KIF13A: variants seen among roughly 807,000 people sequenced by gnomAD.
The protein encoded by KIF13A is kinesin family member 13A, also known as kinesin-like protein KIF13A.
A neutral mutation model predicts 212.2 loss-of-function variants in KIF13A; 79 were observed. The ratio of observed to expected loss-of-function variants is 0.37; its 90% CI spans 0.31 to 0.45. KIF13A has a LOEUF of 0.45. KIF13A is among the 20% of genes least tolerant of loss of function. KIF13A has a pLI of 1.00. For missense variants in KIF13A, 1,901 were observed against 2,209.0 expected, an observed-to-expected ratio of 0.86 and a Z score of 2.79; for synonymous variants, 789 against 808.6, an observed-to-expected ratio of 0.98 and a Z score of 0.41.
intron 20 of KIF13A, among the ~76,000 whole-genome samples, chr6:17,803,923 C>G (rs935073328): frequency 6.6e-6 from 1 of 152,162 alleles, no homozygotes. Context: ...GAAGCCGAGG[C>G]GGGCGGATCA....
In KIF13A at chr6:17,909,404, C is replaced by T. The variant is rs138106934; in HGVS notation, c.147-11224G>A. 3.8e-3 allele frequency among the ~76,000 whole-genome samples: 575 copies of T among 150,492 alleles called. 2 individuals carry two copies. The highest frequency in any genetic ancestry group is 0.012 in the African/African-American group (493 of 40,914). On this transcript the variant is annotated intron_variant, in intron 2 of 38. Coordinates refer to ENST00000259711, the MANE Select transcript of KIF13A (RefSeq NM_022113.6). ...TACAAAAATTAGCCGGGTGTGGTGG[C>T]GCGTGCCTGTAGATCCAGCTACTTG... is the stretch of plus-strand genomic sequence containing the variant.
intron 2 of KIF13A, among the ~76,000 whole-genome samples, chr6:17,975,336 C>CAT (rs1780261699): frequency 8.2e-6 from 1 of 121,746 alleles, no homozygotes; most frequent in Non-Finnish European, 2.0e-5. Flanking sequence ...TTCTTGGTCT[C>CAT]ACTAACTTCA....
intron 2 of KIF13A, among the ~76,000 whole-genome samples, chr6:17,969,097 T>C (rs1303088133): frequency 6.6e-6 from 1 of 152,354 alleles, no homozygotes; most frequent in African/African-American, 2.4e-5. Context: ...AGGCACTTAC[T>C]ATGTACAAGG....
chr6:17,950,075 AAAC>A (rs1469406290), intron 2 of KIF13A, among the ~76,000 whole-genome samples: 2 of 152,168 alleles, frequency 1.3e-5, no homozygotes, highest in Non-Finnish European at 2.9e-5. Context: ...TTGAAAACAA[AAAC>A]TACTGACCCA....
chr6:17,956,472 G>A (rs144840676), intron 2 of KIF13A, among the ~76,000 whole-genome samples: 11 of 152,270 alleles, frequency 7.2e-5, no homozygotes, highest in African/African-American at 2.6e-4. Context: ...CAACCAAGAT[G>A]GAAACAAACC....
Position 17,785,823 on chromosome 6 carries a change from G to A in KIF13A, c.3362-182C>T, listed in dbSNP as rs1761013579. Among the ~76,000 whole-genome samples the A allele has an allele frequency of 6.6e-6, 1 of 151,996 alleles. No individual in the cohort carries two copies. Among genetic ancestry groups the A allele is most frequent in the African/African-American group, 2.4e-5 (1 of 41,386 alleles). Reference sequence around the variant, plus strand: ...TCCCAGATACTCAGGCAGCTGAGGTGGGAAGATCACTTGAGCCTGGGAGTT... The same window carrying A: ...TCCCAGATACTCAGGCAGCTGAGGTAGGAAGATCACTTGAGCCTGGGAGTT... On this transcript the variant is annotated intron_variant, in intron 27 of 38. Coordinates refer to ENST00000259711, the MANE Select transcript of KIF13A (RefSeq NM_022113.6). The surrounding 1 kb of genome is among the most constrained non-coding windows in gnomAD (Gnocchi z 5.8).
intron 4 of KIF13A, among the ~76,000 whole-genome samples, chr6:17,866,534 A>C (rs551341558): frequency 9.2e-5 from 14 of 152,112 alleles, no homozygotes; most frequent in Admixed American, 3.3e-4. Context: ...GCTAAACCTC[A>C]GTTTTCTTAT....
chr6:17,857,249 G>A (rs1281654285), intron 4 of KIF13A, among the ~76,000 whole-genome samples: 1 of 152,164 alleles, frequency 6.6e-6, no homozygotes, highest in African/African-American at 2.4e-5. Context: ...TAGTATTTGT[G>A]ATATGGTTTA....
At chr6:17,819,640 G>A (rs1358603606) in intron 16 of KIF13A, among the ~76,000 whole-genome samples, 1 of 152,052 alleles carries the variant, frequency 6.6e-6, no homozygotes, top group Non-Finnish European at 1.5e-5. Flanking sequence ...TGCAAACATA[G>A]ATCCTGGGTG....
At chr6:17,791,930 G>A (rs533634517) in intron 25 of KIF13A, among the ~76,000 whole-genome samples, 6 of 147,934 alleles carry the variant, frequency 4.1e-5, no homozygotes, top group South Asian at 2.2e-4. Context: ...AGTACTGAGC[G>A]CAGTGGCTCA....
chr6:17,959,502 C>T (rs1778636468), intron 2 of KIF13A, among the ~76,000 whole-genome samples: 1 of 152,142 alleles, frequency 6.6e-6, no homozygotes, highest in Admixed American at 6.5e-5. Context: ...TGGAAAGCAG[C>T]AGAGGAAAGA....
chr6:17,969,393 A>G (rs1037550630), intron 2 of KIF13A, among the ~76,000 whole-genome samples: 2 of 152,200 alleles, frequency 1.3e-5, no homozygotes, highest in African/African-American at 4.8e-5. Context: ...TGTTTGTTGT[A>G]CTACTTAATT....
At position 17,900,827 on chromosome 6, in the gene KIF13A, C is replaced by T. The variant is rs985190388; in HGVS notation, c.147-2647G>A. On this transcript the variant is annotated intron_variant, in intron 2 of 38. Coordinates refer to ENST00000259711, the MANE Select transcript of KIF13A (RefSeq NM_022113.6). The surrounding 1 kb of genome is among the most constrained non-coding windows in gnomAD (Gnocchi z 4.6). ...GGCACAGTGGCTCACACCTGTAATCCCAGCACTTTGGGAGGCTGAGGCAGG... is the reference window on the plus strand; with the variant it reads ...GGCACAGTGGCTCACACCTGTAATCTCAGCACTTTGGGAGGCTGAGGCAGG... Among the ~76,000 whole-genome samples, 1 of 152,114 alleles carries T rather than the reference C, an allele frequency of 6.6e-6. No individual in the cohort carries two copies. Among genetic ancestry groups the T allele is most frequent in the Non-Finnish European group, 1.5e-5 (1 of 68,038 alleles).
intron 22 of KIF13A, among the ~76,000 whole-genome samples, chr6:17,798,068 T>G (rs567774991): frequency 1.3e-5 from 2 of 152,216 alleles, no homozygotes; most frequent in Non-Finnish European, 2.9e-5. Context: ...TGACTCTAAT[T>G]TGCAGAAACA....
rs1001641752 is a variant in KIF13A at position 17,785,076 on chromosome 6, T to C, written c.3488+439A>G. 3.3e-5 allele frequency among the ~76,000 whole-genome samples: 5 copies of C among 152,162 alleles called. No individual in the cohort carries two copies. The highest frequency in any genetic ancestry group is 3.3e-4 in the Admixed American group (5 of 15,248). On this transcript the variant is annotated intron_variant, in intron 28 of 38. Transcript: ENST00000259711. The surrounding 1 kb of genome is among the most constrained non-coding windows in gnomAD (Gnocchi z 5.8). Reference sequence around the variant, plus strand: ...ATTTAATGAATGGGTATGAAAGGTGTTTTATACACATTACAATATACAAGA... The same window carrying C: ...ATTTAATGAATGGGTATGAAAGGTGCTTTATACACATTACAATATACAAGA...
Position 17,972,292 on chromosome 6 carries a change from T to C in KIF13A, c.146+14762A>G, listed in dbSNP as rs186732562. Among the ~76,000 whole-genome samples the C allele has an allele frequency of 9.3e-4, 142 of 152,358 alleles. 2 individuals are homozygous for C. Among genetic ancestry groups the C allele is most frequent in the African/African-American group, 3.2e-3 (135 of 41,584 alleles). On this transcript the variant is annotated intron_variant, in intron 2 of 38. Transcript: ENST00000259711. ...AATGTCATAATGTAACCATTCCCTG[T>C]TACAATTTGCATAGTGAATACTAAA...
In KIF13A at chr6:17,987,166, C is replaced by T. The variant is rs759046673; in HGVS notation, c.56-22G>A. On this transcript the variant is annotated intron_variant, in intron 1 of 38. Transcript: ENST00000259711. The surrounding 1 kb of genome is among the most constrained non-coding windows in gnomAD (Gnocchi z 7.7). ...AGTTCTGAAAGCAGAGAGAAAGGGA[C>T]GTTGCAAAGTCCAGCATCCGCGCCT... The T allele has an allele frequency of 3.8e-6, 6 of 1,586,028 alleles. No individual in the cohort carries two copies. The highest frequency in any genetic ancestry group is 3.3e-5 in the South Asian group (3 of 89,782).
rs1339756190 is a variant in KIF13A at position 17,811,633 on chromosome 6, CATT to C, written c.2001-2706_2001-2704del. On this transcript the variant is annotated intron_variant, in intron 17 of 38. Coordinates refer to ENST00000259711, the MANE Select transcript of KIF13A (RefSeq NM_022113.6). This position sits in a 1 kb window ranked among gnomAD's most constrained non-coding sequence, Gnocchi z 6.0. ...AACATTCATGTAGGTAAGAGTCCTT[CATT>C]ATTTCACAACCCATCAACAATTTAC... Among the ~76,000 whole-genome samples, 1 of 152,198 alleles carries C rather than the reference CATT, an allele frequency of 6.6e-6. No individual in the cohort carries two copies. Among genetic ancestry groups the C allele is most frequent in the African/African-American group, 2.4e-5 (1 of 41,436 alleles).
intron 22 of KIF13A, among the ~76,000 whole-genome samples, chr6:17,798,564 G>C (rs1218187536): frequency 1.3e-5 from 2 of 152,144 alleles, no homozygotes; most frequent in South Asian, 2.1e-4. Context: ...GAACCAGAAA[G>C]AATAAGCATG....
Sources: gnomAD v4.1 joint callset for allele counts (sites outside exome capture counted in the v4.1 genomes callset) on GRCh38, gnomAD v4.1.1 for gene constraint, Gnocchi (gnomAD v3.1) non-coding constraint, MANE v1.5 for transcripts, NCBI Gene and HGNC (gene_info 2026-07-23, HGNC 2026-07-21) for gene names.